R3HDML: variants seen among roughly 807,000 people sequenced by gnomAD.
The protein encoded by R3HDML is R3H domain containing like.
A neutral mutation model predicts 24.2 loss-of-function variants in R3HDML; 21 were observed. That is an observed-to-expected ratio of 0.87 (90% CI 0.62 to 1.25). The LOEUF (loss-of-function observed/expected upper bound fraction) is 1.25, where lower values mean the gene tolerates loss of function less well. Ranked by LOEUF, R3HDML falls within the 50% of genes most tolerant of loss-of-function variation. R3HDML has a pLI of 0.00. For synonymous variants in R3HDML, 133 were observed against 131.5 expected (o/e 1.01, Z -0.08); for missense variants, 301 against 340.3 (o/e 0.88, Z 0.91).
At chr20:44,339,484 G>A (rs2062766334) in intron 1 of R3HDML, among the ~76,000 whole-genome samples, 2 of 152,086 alleles carry the variant, frequency 1.3e-5, no homozygotes, top group African/African-American at 4.8e-5. Context: ...TGTTAAGGAG[G>A]ATGAGGAGGG....
In R3HDML at chr20:44,350,705, C is replaced by T. The variant is rs763487859; in HGVS notation, c.675C>T (p.Cys225=). The T allele has an allele frequency of 1.9e-6, 3 of 1,614,008 alleles. No homozygotes were observed. Among genetic ancestry groups the T allele is most frequent in the East Asian group, 4.5e-5 (2 of 44,856 alleles). The change falls in exon 5 of 5, where the codon TGC becomes TGT. Residue 225 remains cysteine, a synonymous_variant. Coordinates refer to ENST00000217043, the MANE Select transcript of R3HDML (RefSeq NM_178491.4). ...CCCCGTACAAGATGGGAAAGCCGTG[C>T]TCCTCCTGTCCCCCCAGTTATCAAG... The part of the protein sequence containing the change: ...GESPYKMGKP[C]SSCPPSYQGS...
intron 2 of R3HDML, among the ~76,000 whole-genome samples, chr20:44,342,605 C>T (rs750000462): frequency 3.3e-5 from 5 of 152,118 alleles, no homozygotes; most frequent in African/African-American, 7.2e-5. Context: ...CCTCTTTAGT[C>T]ATTTATGTAT....
chr20:44,345,459 T>C (rs2062783977), intron 4 of R3HDML, 81 bp downstream of exon 4: 3 of 948,002 alleles, frequency 3.2e-6, no homozygotes, highest in Non-Finnish European at 4.9e-6. Context: ...ACGCTCCATA[T>C]CCCTTCTTCA....
Position 44,337,140 on chromosome 20 carries a change from T to A in R3HDML, c.-18T>A, listed in dbSNP as rs750413605. The A allele has an allele frequency of 2.5e-6, 4 of 1,606,944 alleles. No homozygotes were observed. The South Asian group carries it at 4.4e-5, about 18-fold the overall frequency. On this transcript the variant is annotated 5_prime_UTR_variant, in exon 1 of 5. Transcript: ENST00000217043. The surrounding 1 kb of genome is among the most constrained non-coding windows in gnomAD (Gnocchi z 4.7). Reference sequence around the variant, plus strand: ...GCTCTGATTGCACAAGGCAGACCTGTGACTCCTCCATCCAGCTATGCCCCT... The same window carrying A: ...GCTCTGATTGCACAAGGCAGACCTGAGACTCCTCCATCCAGCTATGCCCCT...
At position 44,345,361 on chromosome 20, in the gene R3HDML, C is replaced by T; in HGVS notation, c.612C>T (p.Val204=). Residue 204 remains valine (V), a synonymous_variant, in exon 4 of 5, where the codon GTC becomes GTT. Coordinates refer to ENST00000217043, the MANE Select transcript of R3HDML (RefSeq NM_178491.4). ...GNTWHRAAYL[V]CNYAIKGNWI... is the part of the protein sequence containing the mutation. Reference sequence around the variant, plus strand: ...CCTGGCATCGGGCGGCATACCTGGTCTGCAACTATGCCATTAAGTAAGTGC... The same window carrying T: ...CCTGGCATCGGGCGGCATACCTGGTTTGCAACTATGCCATTAAGTAAGTGC... 1 of 1,613,382 alleles carries T rather than the reference C, an allele frequency of 6.2e-7. No individual in the cohort carries two copies.
Position 44,348,588 on chromosome 20 carries a change from C to T in R3HDML, c.630-2072C>T, listed in dbSNP as rs116809358. 4.6e-3 allele frequency among the ~76,000 whole-genome samples: 705 copies of T among 152,090 alleles called. 8 individuals are homozygous for T. The highest frequency in any genetic ancestry group is 0.015 in the African/African-American group (635 of 41,474). On this transcript the variant is annotated intron_variant, in intron 4 of 4. Coordinates refer to ENST00000217043, the MANE Select transcript of R3HDML (RefSeq NM_178491.4). Reference sequence around the variant, plus strand: ...CAGAATCTCAGCTCTGCAACCTCCACGTTCCTGGTTCGAGCAATCCTCACA... The same window carrying T: ...CAGAATCTCAGCTCTGCAACCTCCATGTTCCTGGTTCGAGCAATCCTCACA...
intron 4 of R3HDML, among the ~76,000 whole-genome samples, chr20:44,346,945 C>T (rs576976530): frequency 8.5e-4 from 129 of 152,282 alleles, no homozygotes; most frequent in Middle Eastern, 3.4e-3. Flanking sequence ...AGTTTGAGAC[C>T]AGCCTGGCCA....
intron 1 of R3HDML, among the ~76,000 whole-genome samples, chr20:44,338,645 G>A (rs771944058): frequency 2.0e-5 from 3 of 152,216 alleles, no homozygotes; most frequent in Non-Finnish European, 4.4e-5. Context: ...GCGGCATGGA[G>A]CAGAGAGGGT....
intron 4 of R3HDML, among the ~76,000 whole-genome samples, chr20:44,348,853 TTAAAA>T (rs1420767256): frequency 6.6e-6 from 1 of 151,896 alleles, no homozygotes; most frequent in Non-Finnish European, 1.5e-5. Context: ...AATTTAAGGA[TTAAAA>T]TATAATGTGA....
rs2062760395 is a variant in R3HDML, at chr20:44,337,336, TGA to T, written c.184_185del (p.Asp62HisfsTer78). On this transcript the variant is annotated frameshift_variant, in exon 1 of 5. Coordinates refer to ENST00000217043, the MANE Select transcript of R3HDML (RefSeq NM_178491.4). LOFTEE classifies it high-confidence loss of function. The surrounding 1 kb of genome is among the most constrained non-coding windows in gnomAD (Gnocchi z 4.7). ...TACCGCCGGAAGCGCCACATCTCTGTGAGAGACATGAATGCCTTACTGGATTA... is the reference window on the plus strand; with the variant it reads ...TACCGCCGGAAGCGCCACATCTCTGTGAGACATGAATGCCTTACTGGATTA... 6.2e-7 allele frequency: 1 copy of T among 1,614,106 alleles called. No individual in the cohort carries two copies. The highest frequency in any genetic ancestry group is 1.1e-5 in the South Asian group (1 of 91,074).
In R3HDML at chr20:44,345,339, G is replaced by C; in HGVS notation, c.590G>C (p.Trp197Ser). Reference protein sequence around the residue: ...CSSISVWGNTWHRAAYLVCNY... With the variant: ...CSSISVWGNTSHRAAYLVCNY... Reference sequence around the variant, plus strand: ...AGCATCAGTGTCTGGGGCAACACCTGGCATCGGGCGGCATACCTGGTCTGC... The same window carrying C: ...AGCATCAGTGTCTGGGGCAACACCTCGCATCGGGCGGCATACCTGGTCTGC... The change falls in exon 4 of 5, where the codon TGG becomes TCG. Residue 197 changes from tryptophan (W) to serine (S), a missense_variant. Coordinates refer to ENST00000217043, the MANE Select transcript of R3HDML (RefSeq NM_178491.4). 1.9e-6 allele frequency: 3 copies of C among 1,614,056 alleles called. No homozygotes were observed. Among genetic ancestry groups the C allele is most frequent in the Non-Finnish European group, 2.5e-6 (3 of 1,179,994 alleles).
chr20:44,341,083 A>T, intron 1 of R3HDML, 113 bp from the exon 2 acceptor site: 1 of 827,610 alleles, frequency 1.2e-6, no homozygotes, highest in Non-Finnish European at 1.9e-6. Context: ...GGTTTGTTGC[A>T]GGGTTCCAGG....
chr20:44,350,680 C>A lies in R3HDML; in HGVS notation c.650C>A (p.Ser217Tyr). 2 of 1,613,848 alleles carry A rather than the reference C, an allele frequency of 1.2e-6. No homozygotes were observed. Among genetic ancestry groups the A allele is most frequent in the Non-Finnish European group, 8.5e-7 (1 of 1,179,950 alleles). The part of the protein sequence containing the change: ...YAIKGNWIGE[S>Y]PYKMGKPCSS... ...TCCAGGGGCAACTGGATTGGCGAGT[C>A]CCCGTACAAGATGGGAAAGCCGTGC... is the stretch of plus-strand genomic sequence containing the variant. The change falls in exon 5 of 5, where the codon TCC becomes TAC. Residue 217 changes from serine (S) to tyrosine (Y), a missense_variant. Transcript: ENST00000217043.
chr20:44,339,577 A>ATGTGTGTGTGTGTGTG lies in R3HDML; in HGVS notation c.262-1618_262-1617insGTGTGTGTGTGTGTGT, dbSNP rs1037269097. ...AGAATATGCTGCCATTTGCCTATAT[A>ATGTGTGTGTGTGTGTG]TATGTGTGTGTGTGTGTGTGTGTGT... On this transcript the variant is annotated intron_variant, in intron 1 of 4. Coordinates refer to ENST00000217043, the MANE Select transcript of R3HDML (RefSeq NM_178491.4). Among the ~76,000 whole-genome samples, 370 of 108,626 alleles carry ATGTGTGTGTGTGTGTG rather than the reference A, an allele frequency of 3.4e-3. 3 individuals are homozygous for ATGTGTGTGTGTGTGTG. Among genetic ancestry groups the ATGTGTGTGTGTGTGTG allele is most frequent in the African/African-American group, 0.012 (351 of 29,362 alleles). 71.3% of individuals were successfully genotyped at this position (108,626 alleles called of 152,430 possible).
intron 4 of R3HDML, among the ~76,000 whole-genome samples, chr20:44,346,017 G>A (rs1354208440): frequency 6.6e-6 from 1 of 152,028 alleles, no homozygotes; most frequent in Non-Finnish European, 1.5e-5. Flanking sequence ...ACAAGGTTTC[G>A]CCATGTTGGC....
At position 44,337,274 on chromosome 20, in the gene R3HDML, G is replaced by A. The variant is rs769412220; in HGVS notation, c.117G>A (p.Thr39=). ...CAGCCCCGGCCCAGCCCGAGAGCAC[G>A]GCTATGCGGCTCCTGAGTGGCCTGG... The part of the protein sequence containing the change: ...ATPAPAQPES[T]AMRLLSGLEV... The change falls in exon 1 of 5, where the codon ACG becomes ACA. Residue 39 remains threonine, a synonymous_variant. Transcript: ENST00000217043. The surrounding 1 kb of genome is among the most constrained non-coding windows in gnomAD (Gnocchi z 4.7). 1.2e-5 allele frequency: 19 copies of A among 1,614,052 alleles called. No homozygotes were observed. Among genetic ancestry groups the A allele is most frequent in the African/African-American group, 5.3e-5 (4 of 74,924 alleles).
chr20:44,340,330 A>T (rs1345376827), intron 1 of R3HDML, among the ~76,000 whole-genome samples: 1 of 152,102 alleles, frequency 6.6e-6, no homozygotes, highest in East Asian at 1.9e-4. Context: ...ACCTCAAGTG[A>T]TCTGCCTGCC....
At chr20:44,348,161 C>T (rs2062794373) in intron 4 of R3HDML, among the ~76,000 whole-genome samples, 1 of 152,000 alleles carries the variant, frequency 6.6e-6, no homozygotes, top group African/African-American at 2.4e-5. Context: ...CCAAGACTAC[C>T]AGGGTTCAAA....
At position 44,349,834 on chromosome 20, in the gene R3HDML, C is replaced by T. The variant is rs1013546472; in HGVS notation, c.630-826C>T. The stretch of plus-strand genomic sequence containing the variant: ...TCTGTAATTCCAGCACTTTGGGAGG[C>T]CAAGGTGGGCAGATCACTTGAGGTC... On this transcript the variant is annotated intron_variant, in intron 4 of 4. Coordinates refer to ENST00000217043, the MANE Select transcript of R3HDML (RefSeq NM_178491.4). Among the ~76,000 whole-genome samples, 3 of 152,134 alleles carry T rather than the reference C, an allele frequency of 2.0e-5. No individual in the cohort carries two copies. The South Asian group carries it at 6.2e-4, about 32-fold the overall frequency.
Sources: allele counts gnomAD v4.1 joint callset (sites outside exome capture counted in the v4.1 genomes callset), GRCh38; gene constraint gnomAD v4.1.1; non-coding constraint Gnocchi (gnomAD v3.1); transcripts MANE v1.5; gene names NCBI Gene and HGNC (gene_info 2026-07-23, HGNC 2026-07-21).